Variants in XKR4 observed in about 807,000 individuals in gnomAD.
XKR4 encodes XK-related protein 4.
A neutral mutation model predicts 53.9 loss-of-function variants in XKR4; 12 were observed. The observed-to-expected ratio is 0.22, with a 90% CI of 0.14 to 0.36. The LOEUF is 0.36. XKR4 is among the 10% of genes least tolerant of loss of function. XKR4 has a pLI of 1.00. For synonymous variants in XKR4, 354 were observed against 362.4 expected (o/e 0.98, Z 0.26); for missense variants, 799 against 859.5 (o/e 0.93, Z 0.88).
chr8:55,104,136 G>A (rs1356201520), intron 1 of XKR4, among the ~76,000 whole-genome samples: 1 of 151,978 alleles, frequency 6.6e-6, no homozygotes, highest in African/African-American at 2.4e-5. Flanking sequence ...TGGAATACAA[G>A]GCTAAACTTG....
At chr8:55,498,136 A>G (rs145616431) in intron 2 of XKR4, among the ~76,000 whole-genome samples, 70 of 152,314 alleles carry the variant, frequency 4.6e-4, no homozygotes, top group African/African-American at 1.6e-3. Context: ...GTGTTTGCTA[A>G]GAAAAGACCA....
rs563786528 is a variant in XKR4, at chr8:55,458,359, C to G, written c.1007-64922C>G. ...AGAGGCTAGGATGAGTGCTTCTGGG[C>G]AACCAGCAGGAGCAGAACTCCATAT... On this transcript the variant is annotated intron_variant, in intron 2 of 2. Transcript: ENST00000327381. 2.0e-5 allele frequency among the ~76,000 whole-genome samples: 3 copies of G among 152,320 alleles called. No homozygotes were observed. The East Asian group carries it at 5.8e-4, about 29-fold the overall frequency.
At chr8:55,278,161 C>T (rs1376582764) in intron 1 of XKR4, among the ~76,000 whole-genome samples, 1 of 151,948 alleles carries the variant, frequency 6.6e-6, no homozygotes, top group East Asian at 1.9e-4. Flanking sequence ...GTGGCAAAAC[C>T]CTGTCCCTAC....
At chr8:55,148,126 C>T (rs776988906) in intron 1 of XKR4, among the ~76,000 whole-genome samples, 9 of 152,160 alleles carry the variant, frequency 5.9e-5, no homozygotes, top group Non-Finnish European at 1.3e-4. Context: ...TCCATAAATA[C>T]AGAGCTCTGA....
chr8:55,337,104 G>A (rs1370198983), intron 1 of XKR4, among the ~76,000 whole-genome samples: 1 of 152,076 alleles, frequency 6.6e-6, no homozygotes, highest in African/African-American at 2.4e-5. Flanking sequence ...ACCCAACAGT[G>A]GATGTGACTG....
At chr8:55,117,702 A>G (rs942504710) in intron 1 of XKR4, among the ~76,000 whole-genome samples, 1 of 152,172 alleles carries the variant, frequency 6.6e-6, no homozygotes, top group African/African-American at 2.4e-5. Context: ...GCTCACTTTC[A>G]TGACTTTTGT....
chr8:55,240,958 C>T (rs1284470527), intron 1 of XKR4, among the ~76,000 whole-genome samples: 2 of 152,146 alleles, frequency 1.3e-5, no homozygotes, highest in Admixed American at 6.5e-5. Context: ...GACTACTTGG[C>T]CCTGTCTTAT....
intron 2 of XKR4, among the ~76,000 whole-genome samples, chr8:55,505,613 G>A (rs2129403990): frequency 6.6e-6 from 1 of 152,246 alleles, no homozygotes; most frequent in African/African-American, 2.4e-5. Context: ...CCATGTATTT[G>A]TGAATTTTAC....
chr8:55,297,154 T>C (rs979936131), intron 1 of XKR4, among the ~76,000 whole-genome samples: 2 of 152,130 alleles, frequency 1.3e-5, no homozygotes, highest in African/African-American at 2.4e-5. Flanking sequence ...TGTCTACTCA[T>C]AAACAGACAA....
intron 2 of XKR4, among the ~76,000 whole-genome samples, chr8:55,359,189 G>C (rs375356790): frequency 3.9e-5 from 6 of 152,200 alleles, no homozygotes; most frequent in African/African-American, 1.4e-4. Context: ...GCAGAAGGCC[G>C]TGTGAATTAG....
At chr8:55,303,466 G>C (rs1157579728) in intron 1 of XKR4, among the ~76,000 whole-genome samples, 1 of 151,932 alleles carries the variant, frequency 6.6e-6, no homozygotes, top group South Asian at 2.1e-4. Context: ...CTCTTTTTTG[G>C]TTGTGTCTCT....
intron 1 of XKR4, among the ~76,000 whole-genome samples, chr8:55,269,293 T>G (rs997007933): frequency 6.6e-6 from 1 of 152,074 alleles, no homozygotes; most frequent in African/African-American, 2.4e-5. Context: ...TGTTCTAAGC[T>G]GTGTTTTGAG....
chr8:55,358,402 A>T (rs1229611740), intron 2 of XKR4, among the ~76,000 whole-genome samples: 1 of 142,360 alleles, frequency 7.0e-6, no homozygotes, highest in Non-Finnish European at 1.5e-5. Flanking sequence ...AAGGTCATAA[A>T]GGAAAAAAAA....
intron 1 of XKR4, among the ~76,000 whole-genome samples, chr8:55,318,984 A>C (rs935208485): frequency 6.6e-6 from 1 of 152,200 alleles, no homozygotes; most frequent in Non-Finnish European, 1.5e-5. Flanking sequence ...TACAGTACCT[A>C]TTGTCAAAGC....
rs997767130 is a variant in XKR4, at chr8:55,444,393, T to C, written c.1007-78888T>C. ...TAAATTCAACTACATTAAAAATGAG[T>C]ACTTTTTCTTTCATCAAAAGACTTC... is the stretch of plus-strand genomic sequence containing the variant. On this transcript the variant is annotated intron_variant, in intron 2 of 2. Coordinates refer to ENST00000327381, the MANE Select transcript of XKR4 (RefSeq NM_052898.2). 3.3e-5 allele frequency among the ~76,000 whole-genome samples: 5 copies of C among 152,076 alleles called. No individual in the cohort carries two copies. The East Asian group carries it at 7.7e-4, about 23-fold the overall frequency.
At chr8:55,283,335 G>T (rs138534003) in intron 1 of XKR4, among the ~76,000 whole-genome samples, 4 of 152,162 alleles carry the variant, frequency 2.6e-5, no homozygotes, top group African/African-American at 9.7e-5. Flanking sequence ...GACTGAGAAG[G>T]CCCAATTTTA....
chr8:55,156,383 C>T (rs1056510075), intron 1 of XKR4, among the ~76,000 whole-genome samples: 4 of 138,186 alleles, frequency 2.9e-5, no homozygotes, highest in African/African-American at 1.1e-4. Flanking sequence ...CAAGGTAAGA[C>T]GCTGCGCGCA....
chr8:55,488,150 G>A (rs1039336574), intron 2 of XKR4, among the ~76,000 whole-genome samples: 7 of 152,124 alleles, frequency 4.6e-5, no homozygotes, highest in Admixed American at 1.3e-4. Context: ...AAAAAGTCAC[G>A]GACAATGAGT....
chr8:55,312,649 A>C (rs1819405035), intron 1 of XKR4, among the ~76,000 whole-genome samples: 2 of 152,230 alleles, frequency 1.3e-5, no homozygotes, highest in Non-Finnish European at 2.9e-5. Context: ...ACAATAGTCC[A>C]TCATTGATGT....
Sources: gnomAD v4.1 joint callset for allele counts (sites outside exome capture counted in the v4.1 genomes callset) on GRCh38, gnomAD v4.1.1 for gene constraint, MANE v1.5 for transcripts, NCBI Gene and HGNC (gene_info 2026-07-23, HGNC 2026-07-21) for gene names.